The following ALCAM variants were observed in gnomAD, a reference collection of about 807,000 sequenced individuals.
ALCAM encodes activated leukocyte cell adhesion molecule, also known as CD166 antigen.
ALCAM carries 30 observed loss-of-function variants against 70.9 expected under a neutral mutation model. The ratio of observed to expected loss-of-function variants is 0.42; its 90% CI spans 0.32 to 0.57. ALCAM has a LOEUF of 0.57. Among genes scored for constraint, ALCAM ranks in the 20% least tolerant of loss-of-function variants. ALCAM has a pLI of 0.11. For missense variants in ALCAM, 591 were observed against 695.1 expected, an observed-to-expected ratio of 0.85 and a Z score of 1.68; for synonymous variants, 249 against 242.5, an observed-to-expected ratio of 1.03 and a Z score of -0.25.
chr3:105,447,019 C>CA (rs1041549690), intron 1 of ALCAM, among the ~76,000 whole-genome samples: 34 of 149,726 alleles, frequency 2.3e-4, no homozygotes, highest in South Asian at 8.4e-4. Flanking sequence ...GTTCTCGCCA[C>CA]AAAAAAAAAT....
At chr3:105,549,770 A>G (rs1029580110) in intron 11 of ALCAM, among the ~76,000 whole-genome samples, 1 of 151,496 alleles carries the variant, frequency 6.6e-6, no homozygotes, top group Admixed American at 6.6e-5. Flanking sequence ...AAATAATTAA[A>G]TTCATATATT....
At chr3:105,457,480 C>T (rs891855140) in intron 1 of ALCAM, among the ~76,000 whole-genome samples, 4 of 152,108 alleles carry the variant, frequency 2.6e-5, no homozygotes, top group Admixed American at 2.0e-4. Flanking sequence ...ATGAAATAAT[C>T]TGTATAACAC....
intron 1 of ALCAM, among the ~76,000 whole-genome samples, chr3:105,509,281 C>A (rs11720296): frequency 5.9e-5 from 9 of 151,596 alleles, no homozygotes; most frequent in South Asian, 2.1e-4. Flanking sequence ...TTTTGAGGAA[C>A]CTTCACACCG....
chr3:105,569,639 C>T (rs1010858995), intron 14 of ALCAM, among the ~76,000 whole-genome samples: 6 of 152,120 alleles, frequency 3.9e-5, no homozygotes, highest in Non-Finnish European at 5.9e-5. Context: ...GTCAGTTCAA[C>T]TTAGTAGAAT....
chr3:105,406,109 A>C (rs1228559734), intron 1 of ALCAM, among the ~76,000 whole-genome samples: 1 of 152,180 alleles, frequency 6.6e-6, no homozygotes, highest in Non-Finnish European at 1.5e-5. Context: ...AACTTCTTTT[A>C]ATCTGTAACT....
intron 6 of ALCAM, among the ~76,000 whole-genome samples, chr3:105,539,468 C>T (rs1201934805): frequency 1.3e-5 from 2 of 151,984 alleles, no homozygotes; most frequent in African/African-American, 4.8e-5. Flanking sequence ...TTTTTTTAAG[C>T]AGATCTTCTC....
chr3:105,544,746 T>A (rs1477046116), intron 8 of ALCAM: 1 of 164,260 alleles, frequency 6.1e-6, no homozygotes, highest in Non-Finnish European at 1.3e-5. Flanking sequence ...TAAAAATATC[T>A]GCTGCTATAG....
At chr3:105,488,916 C>T (rs1284428101) in intron 1 of ALCAM, among the ~76,000 whole-genome samples, 1 of 152,112 alleles carries the variant, frequency 6.6e-6, no homozygotes, top group East Asian at 1.9e-4. Context: ...TATAATGTTC[C>T]TTAAGGATTT....
At chr3:105,508,987 C>T (rs569739256) in intron 1 of ALCAM, among the ~76,000 whole-genome samples, 1 of 152,194 alleles carries the variant, frequency 6.6e-6, no homozygotes, top group South Asian at 2.1e-4. Context: ...CTTTCTTTGG[C>T]TTATTTCAAT....
intron 6 of ALCAM, among the ~76,000 whole-genome samples, chr3:105,539,400 A>G (rs1187417645): frequency 1.3e-5 from 2 of 152,090 alleles, no homozygotes; most frequent in African/African-American, 4.8e-5. Flanking sequence ...CAAAATTACA[A>G]TACACTTACA....
At chr3:105,574,020 AT>A (rs1940912072) in intron 15 of ALCAM, among the ~76,000 whole-genome samples, 1 of 152,208 alleles carries the variant, frequency 6.6e-6, no homozygotes, top group African/African-American at 2.4e-5. Context: ...AGTATGCAGC[AT>A]TCCCACATGA....
At chr3:105,413,112 C>T (rs946664563) in intron 1 of ALCAM, among the ~76,000 whole-genome samples, 4 of 152,078 alleles carry the variant, frequency 2.6e-5, no homozygotes, top group Admixed American at 6.6e-5. Context: ...CATAGTGACA[C>T]GTGACCTTGT....
rs1576236581 is a variant in ALCAM, at chr3:105,549,977, A to G, written c.1375-150A>G. ...CTAATCTTTGTAGATATTGGCATAC[A>G]TGGGTCTTGATCTATGATCTTACAT... On this transcript the variant is annotated intron_variant, in intron 11 of 15. Transcript: ENST00000306107. 5.8e-6 allele frequency: 3 copies of G among 519,752 alleles called. No individual in the cohort carries two copies. The East Asian group carries it at 9.4e-5, about 16-fold the overall frequency. The allele number at this position is 519,752 out of a possible 1,614,324, so 32.2% of individuals were successfully genotyped here. A position where few individuals can be genotyped will look rare whatever the true frequency, so the allele number is the denominator to read the frequency against.
chr3:105,463,051 G>C (rs1937625855), intron 1 of ALCAM, among the ~76,000 whole-genome samples: 1 of 151,420 alleles, frequency 6.6e-6, no homozygotes, highest in Admixed American at 6.6e-5. Context: ...GTCTTTCATA[G>C]CTGACGTACT....
At chr3:105,421,499 A>G (rs1936650057) in intron 1 of ALCAM, among the ~76,000 whole-genome samples, 2 of 151,542 alleles carry the variant, frequency 1.3e-5, no homozygotes, top group South Asian at 4.1e-4. Context: ...AAAGAAGACA[A>G]ATAGATTACT....
chr3:105,516,241 T>G (rs1434509832), intron 1 of ALCAM, among the ~76,000 whole-genome samples: 2 of 151,928 alleles, frequency 1.3e-5, no homozygotes, highest in Non-Finnish European at 2.9e-5. Context: ...AGAGAATGAT[T>G]CCTCTGAATT....
chr3:105,524,582 G>A, intron 3 of ALCAM, 74 bp downstream of exon 3: 1 of 1,587,982 alleles, frequency 6.3e-7, no homozygotes, highest in East Asian at 2.2e-5. Context: ...TTAGAAAGAA[G>A]ACTGAACTCT....
Position 105,545,301 on chromosome 3 carries a change from C to A in ALCAM, c.1070C>A (p.Ser357Tyr), listed in dbSNP as rs781081832. The A allele has an allele frequency of 1.9e-6, 3 of 1,608,672 alleles. No homozygotes were observed. The highest frequency in any genetic ancestry group is 2.6e-6 in the Non-Finnish European group (3 of 1,176,020). The stretch of plus-strand genomic sequence containing the variant: ...GCCCTACCCGTGTCATGCACAATAT[C>A]TGCTAGCAGGAATGCAACTGTGGTA... ...GDALPVSCTI[S>Y]ASRNATVVWM... Residue 357 changes from serine (S) to tyrosine (Y), a missense_variant, in exon 9 of 16, where the codon TCT (serine) becomes TAT (tyrosine). Ser to Tyr is a moderately radical substitution (Grantham distance 144, BLOSUM62 -2). This residue lies in a region of ALCAM where 427 missense variants were observed against 450.4 expected (regional missense o/e 0.95). Transcript: ENST00000306107.
At chr3:105,540,888 C>T (rs981461101) in intron 7 of ALCAM, among the ~76,000 whole-genome samples, 1 of 151,988 alleles carries the variant, frequency 6.6e-6, no homozygotes, top group East Asian at 1.9e-4. Flanking sequence ...TAAGTAATTT[C>T]TTTATGCTGA....
Sources: allele counts gnomAD v4.1 joint callset (sites outside exome capture counted in the v4.1 genomes callset), GRCh38; gene constraint gnomAD v4.1.1; regional missense constraint gnomAD v4.1.1; transcripts MANE v1.5; gene names NCBI Gene and HGNC (gene_info 2026-07-23, HGNC 2026-07-21).